The following NPRL3 variants were observed in gnomAD, a reference collection of about 807,000 sequenced individuals.
The protein encoded by NPRL3 is GATOR1 complex protein NPRL3.
NPRL3 carries 23 observed loss-of-function variants against 57.2 expected under a neutral mutation model. The ratio of observed to expected loss-of-function variants is 0.40; its 90% CI spans 0.29 to 0.57. The LOEUF (loss-of-function observed/expected upper bound fraction) is 0.57, where lower values mean the gene tolerates loss of function less well. Among genes scored for constraint, NPRL3 ranks in the 20% least tolerant of loss-of-function variants. The probability of loss-of-function intolerance (pLI) is 0.42; values close to 1 mark genes in which losing one functional copy is unlikely to be tolerated. For missense variants in NPRL3, 691 were observed against 767.1 expected (o/e 0.90, Z 1.17); for synonymous variants, 333 against 321.1 (o/e 1.04, Z -0.39).
chr16:113,703 G>A (rs570992242), intron 5 of NPRL3, among the ~76,000 whole-genome samples: 1 of 152,320 alleles, frequency 6.6e-6, no homozygotes, highest in East Asian at 1.9e-4. Flanking sequence ...GGGGTGAATG[G>A]TACTGCTGAT....
At chr16:110,006 G>A (rs928803942) in intron 7 of NPRL3, among the ~76,000 whole-genome samples, 5 of 190 alleles carry the variant, frequency 0.026, no homozygotes, top group African/African-American at 0.12. Context: ...GCCGGGCGCG[G>A]TGCTCACGCC....
rs1321579203 is a variant in NPRL3 at position 123,918 on chromosome 16, C to G, written c.189-4663G>C. The stretch of plus-strand genomic sequence containing the variant: ...GTCACACACTCCCCACGCTGAGAAA[C>G]AGGGTCACACACTCCCCACGTTGAG... On this transcript the variant is annotated intron_variant, in intron 3 of 13. Coordinates refer to ENST00000611875, the MANE Select transcript of NPRL3 (RefSeq NM_001077350.3). Among the ~76,000 whole-genome samples the G allele has an allele frequency of 7.6e-5, 2 of 26,394 alleles. 1 individual carries two copies. The highest frequency in any genetic ancestry group is 1.3e-4 in the Non-Finnish European group (2 of 15,184). The allele number at this position is 26,394 out of a possible 152,430, so 17.3% of individuals were successfully genotyped here.
chr16:101,196 G>A (rs1451237641), intron 7 of NPRL3, among the ~76,000 whole-genome samples: 1 of 152,070 alleles, frequency 6.6e-6, no homozygotes, highest in African/African-American at 2.4e-5. Flanking sequence ...GAATGGGCCT[G>A]CCCTGCACAC....
At chr16:118,901 C>T (rs1240896106) in intron 4 of NPRL3, among the ~76,000 whole-genome samples, 2 of 151,962 alleles carry the variant, frequency 1.3e-5, no homozygotes, top group African/African-American at 2.4e-5. Context: ...CCAGGGGGAG[C>T]CACACCTTCC....
chr16:106,260 A>G (rs1053110160), intron 7 of NPRL3, among the ~76,000 whole-genome samples: 2 of 152,060 alleles, frequency 1.3e-5, no homozygotes, highest in African/African-American at 4.8e-5. Flanking sequence ...GTGAACTGAG[A>G]TTGTGCCATT....
At chr16:138,414 T>C in intron 1 of NPRL3, 80 bp from the exon 2 acceptor site, 2 of 290,296 alleles carry the variant, frequency 6.9e-6, no homozygotes, top group Non-Finnish European at 1.2e-5. Context: ...AGGGCAGGGG[T>C]GGAGGCGGAG....
At chr16:88,335 T>C (rs1166327665) in intron 13 of NPRL3, among the ~76,000 whole-genome samples, 2 of 146,856 alleles carry the variant, frequency 1.4e-5, no homozygotes, top group Admixed American at 1.3e-4. Context: ...GAGCCGAGAT[T>C]GCGCCACTGC....
intron 7 of NPRL3, among the ~76,000 whole-genome samples, chr16:102,368 CAG>C (rs953896824): frequency 1.3e-5 from 2 of 152,236 alleles, no homozygotes; most frequent in Admixed American, 1.3e-4. Context: ...CTCCAGGCAA[CAG>C]GGGGGATCTC....
At chr16:97,238 G>A (rs888586026) in intron 9 of NPRL3, among the ~76,000 whole-genome samples, 3 of 151,262 alleles carry the variant, frequency 2.0e-5, no homozygotes, top group African/African-American at 7.3e-5. Flanking sequence ...AGCAGCCCCT[G>A]CTTCTGATTT....
intron 11 of NPRL3, 98 bp from the exon 12 acceptor site, chr16:90,000 C>T: frequency 8.6e-7 from 1 of 1,162,600 alleles, no homozygotes; most frequent in Non-Finnish European, 1.2e-6. Context: ...ACAGCACGCT[C>T]CCTGTGCTGA....
intron 13 of NPRL3, among the ~76,000 whole-genome samples, chr16:88,333 A>G (rs1374476310): frequency 6.7e-6 from 1 of 149,530 alleles, no homozygotes; most frequent in Non-Finnish European, 1.5e-5. Context: ...GTGAGCCGAG[A>G]TTGCGCCACT....
rs148859801 is a variant in NPRL3, at chr16:101,585, T to C, written c.630-1076A>G. 2.1e-4 allele frequency among the ~76,000 whole-genome samples: 32 copies of C among 152,354 alleles called. 1 individual carries two copies. The highest frequency in any genetic ancestry group is 7.5e-4 in the African/African-American group (31 of 41,584). On this transcript the variant is annotated intron_variant, in intron 7 of 13. Transcript: ENST00000611875. ...CTTTAAACCATCAGCAAATCCCATCTGCTCCACCTGCAGGGATGTCCAAAA... is the reference window on the plus strand; with the variant it reads ...CTTTAAACCATCAGCAAATCCCATCCGCTCCACCTGCAGGGATGTCCAAAA...
chr16:125,261 T>C, intron 3 of NPRL3, among the ~76,000 whole-genome samples: 1 of 151,838 alleles, frequency 6.6e-6, no homozygotes, highest in East Asian at 1.9e-4. Context: ...GCTCCTCAGG[T>C]TGTACAGTAT....
At chr16:108,846 ATT>A (rs982658125) in intron 7 of NPRL3, among the ~76,000 whole-genome samples, 1 of 148,424 alleles carries the variant, frequency 6.7e-6, no homozygotes, top group Admixed American at 6.7e-5. Context: ...AATTTTTTGT[ATT>A]TTTAGTAGAC....
chr16:89,791 C>A lies in NPRL3; in HGVS notation c.1273G>T (p.Glu425Ter). 1 of 1,600,896 alleles carries A rather than the reference C, an allele frequency of 6.2e-7. No individual in the cohort carries two copies. The highest frequency in any genetic ancestry group is 8.5e-7 in the Non-Finnish European group (1 of 1,175,180). Residue 425 changes from glutamate to a stop codon, truncating the protein, a stop_gained, in exon 12 of 14, where the codon GAG (glutamate) becomes TAG (stop). Transcript: ENST00000611875. LOFTEE classifies it high-confidence loss of function. ...CGGGCAGTGAAGGGGACGTCGTCCTCTCGCGGACGGGGCTCCTCCTCGCTG... is the reference window on the plus strand; with the variant it reads ...CGGGCAGTGAAGGGGACGTCGTCCTATCGCGGACGGGGCTCCTCCTCGCTG... ...SPSEEEPRPREDDVPFTARVG... is the reference protein window; with the variant it reads ...SPSEEEPRPR
chr16:90,227 C>A lies in NPRL3; in HGVS notation c.1162-325G>T, dbSNP rs546484382. Reference sequence around the variant, plus strand: ...CTGTGACTGCTTCGCTGAGCAAACCCCCCACCCTGTGCTGCTGCAGCTGCC... The same window carrying A: ...CTGTGACTGCTTCGCTGAGCAAACCACCCACCCTGTGCTGCTGCAGCTGCC... On this transcript the variant is annotated intron_variant, in intron 11 of 13. Coordinates refer to ENST00000611875, the MANE Select transcript of NPRL3 (RefSeq NM_001077350.3). The A allele has an allele frequency of 2.1e-5, 7 of 337,398 alleles. No homozygotes were observed. The East Asian group carries it at 5.2e-4, about 25-fold the overall frequency. 20.9% of individuals were successfully genotyped at this position (337,398 alleles called of 1,614,324 possible). A position where few individuals can be genotyped will look rare whatever the true frequency, so the allele number is the denominator to read the frequency against.
intron 11 of NPRL3, 97 bp from the exon 12 acceptor site, chr16:89,999 T>G: frequency 8.6e-7 from 1 of 1,164,454 alleles, no homozygotes; most frequent in Non-Finnish European, 1.2e-6. Context: ...CACAGCACGC[T>G]CCCTGTGCTG....
intron 3 of NPRL3, among the ~76,000 whole-genome samples, chr16:122,783 T>C (rs1452920450): frequency 2.6e-5 from 4 of 152,144 alleles, no homozygotes; most frequent in Admixed American, 6.6e-5. Flanking sequence ...AAAGACATCC[T>C]GGAAGGGAGC....
In NPRL3 at chr16:86,845, G is replaced by C; in HGVS notation, c.1570C>G (p.His524Asp). 6.2e-7 allele frequency: 1 copy of C among 1,613,332 alleles called. No homozygotes were observed. The highest frequency in any genetic ancestry group is 8.5e-7 in the Non-Finnish European group (1 of 1,179,728). The change falls in exon 14 of 14, where the codon CAC becomes GAC. Residue 524 changes from histidine (H) to aspartate (D), a missense_variant. His to Asp is a moderately conservative substitution (Grantham distance 81, BLOSUM62 -1). Coordinates refer to ENST00000611875, the MANE Select transcript of NPRL3 (RefSeq NM_001077350.3). ...ARLLHYFRGR[H>D]HLEEIMYNEN... ...TTGTACATAATCTCCTCCAGGTGGT[G>C]GCGGCCGCGGAAGTAGTGAAGGAGC...
Sources: allele counts gnomAD v4.1 joint callset (sites outside exome capture counted in the v4.1 genomes callset), GRCh38; gene constraint gnomAD v4.1.1; transcripts MANE v1.5; gene names NCBI Gene and HGNC (gene_info 2026-07-23, HGNC 2026-07-21).